SERINC3: variants seen among roughly 807,000 people sequenced by gnomAD.
SERINC3 encodes tumor differentially expressed protein 1.
Under a neutral mutation model 52.1 loss-of-function variants are expected in SERINC3, and 22 were observed. The observed-to-expected ratio is 0.42, with a 90% CI of 0.30 to 0.60. SERINC3 has a LOEUF of 0.60. SERINC3 is among the 20% of genes least tolerant of loss of function. SERINC3 has a pLI of 0.16. For missense variants in SERINC3, 564 were observed against 584.6 expected, an observed-to-expected ratio of 0.96 and a Z score of 0.36; for synonymous variants, 226 against 212.7, an observed-to-expected ratio of 1.06 and a Z score of -0.54.
chr20:44,521,802 G>T lies in SERINC3; in HGVS notation c.39+111C>A, dbSNP rs368766462. On this transcript the variant is annotated intron_variant, in intron 1 of 9. Coordinates refer to ENST00000342374, the MANE Select transcript of SERINC3 (RefSeq NM_006811.4). ...GGCCCCGGAGACCCTCTGTAGCCCA[G>T]GGCCTGCTGACATCCCGAGAGCCTC... is the stretch of plus-strand genomic sequence containing the variant. 16 of 1,128,862 alleles carry T rather than the reference G, an allele frequency of 1.4e-5. 1 individual carries two copies. Among genetic ancestry groups the T allele is most frequent in the East Asian group, 7.7e-5 (3 of 38,912 alleles). The allele number at this position is 1,128,862 out of a possible 1,614,324, so 69.9% of individuals were successfully genotyped here.
Position 44,504,090 on chromosome 20 carries a change from G to A in SERINC3, c.875-95C>T, listed in dbSNP as rs897072881. The A allele has an allele frequency of 1.5e-5, 15 of 999,782 alleles. No individual in the cohort carries two copies. In the Admixed American group the frequency reaches 2.5e-4, roughly 17 times the overall value. The allele number at this position is 999,782 out of a possible 1,614,324, so 61.9% of individuals were successfully genotyped here. A position where few individuals can be genotyped will look rare whatever the true frequency, so the allele number is the denominator to read the frequency against. ...TCCCTACATATCATTCAGTCATGATGTGAAACATGGGAATGCTTTACTTAA... is the reference window on the plus strand; with the variant it reads ...TCCCTACATATCATTCAGTCATGATATGAAACATGGGAATGCTTTACTTAA... On this transcript the variant is annotated intron_variant, in intron 7 of 9. Coordinates refer to ENST00000342374, the MANE Select transcript of SERINC3 (RefSeq NM_006811.4).
intron 8 of SERINC3, among the ~76,000 whole-genome samples, chr20:44,502,211 G>A (rs2064284269): frequency 6.6e-6 from 1 of 152,168 alleles, no homozygotes; most frequent in Admixed American, 6.5e-5. Flanking sequence ...TTGTTTATAG[G>A]AAATCCTATG....
At chr20:44,514,354 A>G (rs1254919332) in intron 1 of SERINC3, among the ~76,000 whole-genome samples, 2 of 152,242 alleles carry the variant, frequency 1.3e-5, no homozygotes, top group African/African-American at 4.8e-5. Flanking sequence ...ACAGTTCAAT[A>G]AATGTTAATT....
chr20:44,508,826 T>C (rs1350937792), intron 5 of SERINC3, among the ~76,000 whole-genome samples: 4 of 152,200 alleles, frequency 2.6e-5, no homozygotes, highest in African/African-American at 9.7e-5. Context: ...ACATAAAGGT[T>C]CACAAGAGTG....
At chr20:44,518,485 T>C (rs1421656367) in intron 1 of SERINC3, among the ~76,000 whole-genome samples, 1 of 151,878 alleles carries the variant, frequency 6.6e-6, no homozygotes, top group African/African-American at 2.4e-5. Context: ...GAGGCTGCCA[T>C]AAAGTCCCTC....
Position 44,521,894 on chromosome 20 carries a change from C to T in SERINC3, c.39+19G>A, listed in dbSNP as rs1172777095. 4 of 1,604,722 alleles carry T rather than the reference C, an allele frequency of 2.5e-6. No individual in the cohort carries two copies. The highest frequency in any genetic ancestry group is 2.6e-6 in the Non-Finnish European group (3 of 1,176,084). On this transcript the variant is annotated intron_variant, in intron 1 of 9. Transcript: ENST00000342374. ...CCGCAAACCGCAGGTCCGGCGAGGA[C>T]TCGGGACCCCGAACTCACCCAGCTG...
Position 44,511,283 on chromosome 20 carries a change from C to G in SERINC3, c.475+6G>C. 6.3e-7 allele frequency: 1 copy of G among 1,589,246 alleles called. No homozygotes were observed. Among genetic ancestry groups the G allele is most frequent in the Non-Finnish European group, 8.6e-7 (1 of 1,157,524 alleles). ...TAAAATTAACCCCCTCAATGGTGAA[C>G]CCTACCTGAGCTGAAATAGCCCCCA... On this transcript the variant is annotated splice_donor_region_variant and intron_variant, in intron 4 of 9. Transcript: ENST00000342374.
At position 44,507,137 on chromosome 20, in the gene SERINC3, C is replaced by G. The variant is rs1426407387; in HGVS notation, c.614-141G>C. 1.7e-5 allele frequency: 10 copies of G among 574,666 alleles called. No individual in the cohort carries two copies. The East Asian group carries it at 2.9e-4, about 17-fold the overall frequency. The allele number at this position is 574,666 out of a possible 1,614,324, so 35.6% of individuals were successfully genotyped here. A position where few individuals can be genotyped will look rare whatever the true frequency, so the allele number is the denominator to read the frequency against. On this transcript the variant is annotated intron_variant, in intron 5 of 9. Transcript: ENST00000342374. ...ATTTACAGTAAAATTACAGAGGTCT[C>G]AAGGTTAAAGTATCAAGATTGTATT...
chr20:44,508,353 A>G (rs1485242208), intron 5 of SERINC3, among the ~76,000 whole-genome samples: 1 of 151,744 alleles, frequency 6.6e-6, no homozygotes, highest in Non-Finnish European at 1.5e-5. Context: ...TAGGCGTGGT[A>G]GTGTGGGTGT....
intron 1 of SERINC3, among the ~76,000 whole-genome samples, chr20:44,519,569 G>A (rs1178651312): frequency 6.6e-6 from 1 of 152,274 alleles, no homozygotes; most frequent in South Asian, 2.1e-4. Flanking sequence ...TCTCAAGAAA[G>A]CCCTTAAAAA....
At chr20:44,509,862 G>A in intron 5 of SERINC3, 29 bp downstream of exon 5, 1 of 1,610,844 alleles carries the variant, frequency 6.2e-7, no homozygotes, top group South Asian at 1.1e-5. Flanking sequence ...GTAGCAGTAT[G>A]GCTAACATAG....
In SERINC3 at chr20:44,516,168, G is replaced by A. The variant is rs533746134; in HGVS notation, c.40-2128C>T. Among the ~76,000 whole-genome samples the A allele has an allele frequency of 2.6e-4, 39 of 152,012 alleles. No homozygotes were observed. The South Asian group carries it at 4.4e-3, about 17-fold the overall frequency. Reference sequence around the variant, plus strand: ...AATACAAAAATTAGCCGGGTGCAGTGGCAGGCACCTGTAATCCCAGCTACT... The same window carrying A: ...AATACAAAAATTAGCCGGGTGCAGTAGCAGGCACCTGTAATCCCAGCTACT... On this transcript the variant is annotated intron_variant, in intron 1 of 9. Coordinates refer to ENST00000342374, the MANE Select transcript of SERINC3 (RefSeq NM_006811.4).
In SERINC3 at chr20:44,518,754, C is replaced by T. The variant is rs961085431; in HGVS notation, c.39+3159G>A. On this transcript the variant is annotated intron_variant, in intron 1 of 9. Transcript: ENST00000342374. ...CTGAGGTGGGCAGATCACCTGAGGT[C>T]GGGAGTTCAAGACCGGCCTGACCAA... 3.3e-5 allele frequency among the ~76,000 whole-genome samples: 5 copies of T among 152,030 alleles called. No homozygotes were observed. The East Asian group carries it at 7.7e-4, about 24-fold the overall frequency.
At chr20:44,510,802 C>T (rs553672330) in intron 4 of SERINC3, among the ~76,000 whole-genome samples, 2 of 151,998 alleles carry the variant, frequency 1.3e-5, no homozygotes, top group South Asian at 4.2e-4. Context: ...CAGAGTGAGA[C>T]TGTCTAAAAT....
chr20:44,504,740 T>C lies in SERINC3; in HGVS notation c.874+61A>G, dbSNP rs181742670. The C allele has an allele frequency of 6.2e-3, 8,581 of 1,381,292 alleles. 44 individuals carry two copies. The highest frequency in any genetic ancestry group is 7.2e-3 in the Non-Finnish European group (7,100 of 983,610). The allele number at this position is 1,381,292 out of a possible 1,614,324, so 85.6% of individuals were successfully genotyped here. ...CTAGCTCTAGTTTTTGTACCAACTA[T>C]GTAAAGGCTGATTTCCTACTTTCTT... On this transcript the variant is annotated intron_variant, in intron 7 of 9. Coordinates refer to ENST00000342374, the MANE Select transcript of SERINC3 (RefSeq NM_006811.4).
intron 8 of SERINC3, among the ~76,000 whole-genome samples, chr20:44,501,888 G>C (rs1275965592): frequency 2.0e-5 from 3 of 152,100 alleles, no homozygotes. Context: ...ACAAAAACAG[G>C]ACAAAAATTA....
rs16989141 is a variant in SERINC3 at position 44,501,450 on chromosome 20, C to T, written c.1056-150G>A. ...AGATCCTGCTTAAAGTTCTGAACTG[C>T]TGCCTGTCATCATAAGACTGACGTC... On this transcript the variant is annotated intron_variant, in intron 8 of 9. Coordinates refer to ENST00000342374, the MANE Select transcript of SERINC3 (RefSeq NM_006811.4). 5,625 of 644,318 alleles carry T rather than the reference C, an allele frequency of 8.7e-3. 77 individuals are homozygous for T. The highest frequency in any genetic ancestry group is 0.042 in the East Asian group (1,542 of 36,886). 39.9% of individuals were successfully genotyped at this position (644,318 alleles called of 1,614,324 possible).
intron 1 of SERINC3, among the ~76,000 whole-genome samples, chr20:44,517,209 A>T (rs1025463404): frequency 1.3e-5 from 2 of 152,246 alleles, no homozygotes; most frequent in African/African-American, 4.8e-5. Flanking sequence ...AATGCCTGAC[A>T]TATTTATCAG....
rs576081420 is a variant in SERINC3, at chr20:44,498,655, G to C, written c.*1641C>G. ...CCTGTCAATTTCTCCCCGTCCCTAC[G>C]ATTCCACTTCTCTATTTCACATCTC... On this transcript the variant is annotated 3_prime_UTR_variant, in exon 10 of 10. Coordinates refer to ENST00000342374, the MANE Select transcript of SERINC3 (RefSeq NM_006811.4). The C allele has an allele frequency of 6.6e-6, 1 of 151,908 alleles. No homozygotes were observed. Among genetic ancestry groups the C allele is most frequent in the Admixed American group, 6.6e-5 (1 of 15,258 alleles). The allele number at this position is 151,908 out of a possible 1,614,324, so 9.4% of individuals were successfully genotyped here. A position where few individuals can be genotyped will look rare whatever the true frequency, so the allele number is the denominator to read the frequency against.
Sources: gnomAD v4.1 joint callset for allele counts (sites outside exome capture counted in the v4.1 genomes callset) on GRCh38, gnomAD v4.1.1 for gene constraint, MANE v1.5 for transcripts, NCBI Gene and HGNC (gene_info 2026-07-23, HGNC 2026-07-21) for gene names.